The following CAP1 variants were observed in gnomAD, a reference collection of about 807,000 sequenced individuals.
The protein encoded by CAP1 is cyclase associated actin cytoskeleton regulatory protein 1.
CAP1 carries 11 observed loss-of-function variants against 58.2 expected under a neutral mutation model. The observed-to-expected ratio is 0.19, with a 90% CI of 0.12 to 0.31. CAP1 has a LOEUF of 0.31. CAP1 is among the 10% of genes least tolerant of loss of function. The pLI, the probability that CAP1 is intolerant of heterozygous loss-of-function variation, is 1.00. For synonymous variants in CAP1, 183 were observed against 213.8 expected, an observed-to-expected ratio of 0.86 and a Z score of 1.26; for missense variants, 423 against 587.5, an observed-to-expected ratio of 0.72 and a Z score of 2.89.
At chr1:40,050,953 C>T (rs528773171) in intron 1 of CAP1, among the ~76,000 whole-genome samples, 2 of 152,304 alleles carry the variant, frequency 1.3e-5, no homozygotes, top group African/African-American at 4.8e-5. Context: ...CCCTATAATA[C>T]TCCATGTTCC....
At chr1:40,065,057 C>T (rs192770720) in intron 6 of CAP1, among the ~76,000 whole-genome samples, 2 of 152,304 alleles carry the variant, frequency 1.3e-5, no homozygotes, top group East Asian at 3.9e-4. Flanking sequence ...CTTCTGCTTT[C>T]TCTCCTTTTT....
At chr1:40,067,871 A>C (rs1347870309) in intron 8 of CAP1, among the ~76,000 whole-genome samples, 154 bp downstream of exon 8, 1 of 152,198 alleles carries the variant, frequency 6.6e-6, no homozygotes, top group Admixed American at 6.5e-5. Flanking sequence ...AGCTGGCTTA[A>C]ATGGAAATTG....
chr1:40,071,913 A>C lies in CAP1; in HGVS notation c.*380A>C. ...CAGATCAGAATGTTCACACTGGTTA[A>C]TCTTTTTTTAACAATGAGCATGAAG... On this transcript the variant is annotated 3_prime_UTR_variant, in exon 13 of 13. Coordinates refer to ENST00000372805, the MANE Select transcript of CAP1 (RefSeq NM_006367.4). The C allele has an allele frequency of 2.4e-6, 1 of 413,566 alleles. No individual in the cohort carries two copies. 25.6% of individuals were successfully genotyped at this position (413,566 alleles called of 1,614,324 possible). A position where few individuals can be genotyped will look rare whatever the true frequency, so the allele number is the denominator to read the frequency against.
At chr1:40,044,052 T>C (rs976852684) in intron 1 of CAP1, among the ~76,000 whole-genome samples, 2 of 152,158 alleles carry the variant, frequency 1.3e-5, no homozygotes, top group African/African-American at 4.8e-5. Flanking sequence ...ATTCAGTGAG[T>C]ATATTTTTGC....
At chr1:40,071,287 G>A (rs559813960) in intron 12 of CAP1, among the ~76,000 whole-genome samples, 163 bp from the exon 13 acceptor site, 16 of 152,234 alleles carry the variant, frequency 1.1e-4, no homozygotes, top group South Asian at 4.2e-4. Context: ...GTCCAAGATC[G>A]CTGAACACTA....
At position 40,071,698 on chromosome 1, in the gene CAP1, T is replaced by G. The variant is rs2124456969; in HGVS notation, c.*165T>G. ...ACTGAAATATACCTCAGGCTGAAAT[T>G]TGGGGTGGGATAGCAGGTCAGTTGA... On this transcript the variant is annotated 3_prime_UTR_variant, in exon 13 of 13. Transcript: ENST00000372805. The G allele has an allele frequency of 1.7e-6, 1 of 580,200 alleles. No individual in the cohort carries two copies. Among genetic ancestry groups the G allele is most frequent in the African/African-American group, 1.9e-5 (1 of 53,496 alleles). 35.9% of individuals were successfully genotyped at this position (580,200 alleles called of 1,614,324 possible).
intron 1 of CAP1, among the ~76,000 whole-genome samples, chr1:40,048,742 A>G (rs1348503927): frequency 6.6e-6 from 1 of 152,144 alleles, no homozygotes. Flanking sequence ...ATATAGATAG[A>G]TCAATAGATC....
Position 40,072,423 on chromosome 1 carries a change from A to G in CAP1, c.*890A>G, listed in dbSNP as rs1308172675. 9.0e-6 allele frequency: 2 copies of G among 222,740 alleles called. No homozygotes were observed. Among genetic ancestry groups the G allele is most frequent in the Non-Finnish European group, 1.7e-5 (2 of 114,886 alleles). 13.8% of individuals were successfully genotyped at this position (222,740 alleles called of 1,614,324 possible). ...AACAGAGGACTGAAACCTCCACTGC[A>G]GGCTGGTTTTAGGTCTTGAATTATG... is the stretch of plus-strand genomic sequence containing the variant. On this transcript the variant is annotated 3_prime_UTR_variant, in exon 13 of 13. Transcript: ENST00000372805.
At chr1:40,041,734 G>T (rs12070456) in intron 1 of CAP1, among the ~76,000 whole-genome samples, 4,338 of 152,308 alleles carry the variant, frequency 0.028, 204 homozygotes, top group African/African-American at 0.094. Context: ...CCCTGCCCGC[G>T]TGGAGCTAGC....
Position 40,040,764 on chromosome 1 carries a change from CGGCTGAT to C in CAP1, c.-47_-41del, listed in dbSNP as rs1310452509. On this transcript the variant is annotated 5_prime_UTR_variant, in exon 1 of 13. Coordinates refer to ENST00000372805, the MANE Select transcript of CAP1 (RefSeq NM_006367.4). Reference sequence around the variant, plus strand: ...GGCGGTTCTTGCCGGAAGCGGAGAGCGGCTGATCGCAGTCCGGAGGTGAGGCGGAACT... The same window carrying C: ...GGCGGTTCTTGCCGGAAGCGGAGAGCCGCAGTCCGGAGGTGAGGCGGAACT... 1.3e-5 allele frequency: 2 copies of C among 152,970 alleles called. No homozygotes were observed. The highest frequency in any genetic ancestry group is 2.9e-5 in the Non-Finnish European group (2 of 68,300). The allele number at this position is 152,970 out of a possible 1,614,324, so 9.5% of individuals were successfully genotyped here.
chr1:40,070,054 C>T, intron 9 of CAP1, 105 bp from the exon 10 acceptor site: 1 of 1,517,396 alleles, frequency 6.6e-7, no homozygotes, highest in Non-Finnish European at 9.0e-7. Context: ...TAGATGAGGG[C>T]AGAGTTCTGG....
intron 4 of CAP1, 42 bp downstream of exon 4, chr1:40,061,854 AGG>A (rs1646867321): frequency 1.3e-5 from 18 of 1,396,724 alleles, no homozygotes; most frequent in Non-Finnish European, 1.8e-5. Flanking sequence ...TTTGATGCTC[AGG>A]ACGAGTTGAG....
chr1:40,072,256 A>AG lies in CAP1; in HGVS notation c.*723_*724insG, dbSNP rs1648184292. ...CTATAGAGATGACTTTAAAAGGAAA[A>AG]AAAAAAAAAAAAAAACCCACATGAT... On this transcript the variant is annotated 3_prime_UTR_variant, in exon 13 of 13. Transcript: ENST00000372805. 1 of 276,308 alleles carries AG rather than the reference A, an allele frequency of 3.6e-6. No individual in the cohort carries two copies. The highest frequency in any genetic ancestry group is 4.5e-5 in the East Asian group (1 of 22,432). 17.1% of individuals were successfully genotyped at this position (276,308 alleles called of 1,614,324 possible).
rs764291517 is a variant in CAP1 at position 40,070,964 on chromosome 1, A to G, written c.1329A>G (p.Thr443=). The change falls in exon 12 of 13, where the codon ACA becomes ACG. Residue 443 remains threonine (T), a synonymous_variant. Coordinates refer to ENST00000372805, the MANE Select transcript of CAP1 (RefSeq NM_006367.4). Reference sequence around the variant, plus strand: ...CCGAGATGAATGTCCTCATTCCTACAGAAGGCGGTGACTTTGTAAGTTTCT... The same window carrying G: ...CCGAGATGAATGTCCTCATTCCTACGGAAGGCGGTGACTTTGTAAGTTTCT... ...KSSEMNVLIP[T]EGGDFNEFPV... 1.9e-6 allele frequency: 3 copies of G among 1,612,194 alleles called. No homozygotes were observed. The highest frequency in any genetic ancestry group is 1.7e-4 in the Middle Eastern group (1 of 6,042).
intron 1 of CAP1, among the ~76,000 whole-genome samples, chr1:40,045,291 C>G (rs143408904): frequency 1.3e-5 from 2 of 152,266 alleles, no homozygotes; most frequent in Non-Finnish European, 2.9e-5. Flanking sequence ...TACAATGTCC[C>G]CAACTAAATT....
chr1:40,070,769 C>T (rs1361103566), intron 11 of CAP1, 67 bp from the exon 12 acceptor site: 1 of 1,433,146 alleles, frequency 7.0e-7, no homozygotes, highest in Non-Finnish European at 9.6e-7. Context: ...AACAGGAAAC[C>T]TTTTCCTGCG....
chr1:40,064,462 GTCTC>G lies in CAP1; in HGVS notation c.439-6_439-3del. On this transcript the variant is annotated splice_polypyrimidine_tract_variant and splice_region_variant and intron_variant, in intron 5 of 12. Coordinates refer to ENST00000372805, the MANE Select transcript of CAP1 (RefSeq NM_006367.4). ...AGAGGTCCTGAGTCACTGACAGCTT[GTCTC>G]TCTCTAGGCTCCCAAGCCTGGCCCT... The G allele has an allele frequency of 6.2e-7, 1 of 1,613,116 alleles. No homozygotes were observed.
At chr1:40,054,365 C>T (rs768038253) in intron 1 of CAP1, among the ~76,000 whole-genome samples, 3 of 151,936 alleles carry the variant, frequency 2.0e-5, no homozygotes, top group Non-Finnish European at 2.9e-5. Context: ...TAAGTAGAGA[C>T]GAGGTTTCAC....
chr1:40,051,395 TAC>T (rs10561660), intron 1 of CAP1, among the ~76,000 whole-genome samples: 83,826 of 150,874 alleles, frequency 0.56, 24,559 homozygotes, highest in Non-Finnish European at 0.66. Context: ...ATCACACACA[TAC>T]ACACACACAC....
Sources: allele counts gnomAD v4.1 joint callset (sites outside exome capture counted in the v4.1 genomes callset), GRCh38; gene constraint gnomAD v4.1.1; transcripts MANE v1.5; gene names NCBI Gene and HGNC (gene_info 2026-07-23, HGNC 2026-07-21).